The following TPM4 variants were observed in gnomAD, a reference collection of about 807,000 sequenced individuals.
TPM4 encodes tropomyosin alpha-4 chain.
A neutral mutation model predicts 35.8 loss-of-function variants in TPM4; 17 were observed. The observed-to-expected ratio is 0.47, with a 90% CI of 0.32 to 0.71. The LOEUF (loss-of-function observed/expected upper bound fraction) is 0.71, where lower values mean the gene tolerates loss of function less well. Ranked by LOEUF, TPM4 falls within the 30% of genes least tolerant of loss-of-function variation. The probability of loss-of-function intolerance (pLI) is 0.03; values close to 1 mark genes in which losing one functional copy is unlikely to be tolerated. For synonymous variants in TPM4, 120 were observed against 122.9 expected, an observed-to-expected ratio of 0.98 and a Z score of 0.15; for missense variants, 240 against 320.9, an observed-to-expected ratio of 0.75 and a Z score of 1.93.
chr19:16,078,066 C>G (rs907934604), intron 1 of TPM4: 8 of 398,300 alleles, frequency 2.0e-5, no homozygotes, highest in African/African-American at 1.6e-4. Flanking sequence ...AGCCACGGCG[C>G]CCAGCCTCAA....
At chr19:16,098,817 A>T (rs1177499109) in intron 7 of TPM4, among the ~76,000 whole-genome samples, 1 of 151,926 alleles carries the variant, frequency 6.6e-6, no homozygotes, top group African/African-American at 2.4e-5. Flanking sequence ...AAAATTTTTT[A>T]ATAAAATAAT....
upstream of TPM4, among the ~76,000 whole-genome samples, chr19:16,073,081 T>C (rs754316606): frequency 6.6e-6 from 1 of 151,232 alleles, no homozygotes; most frequent in Non-Finnish European, 1.5e-5. Flanking sequence ...GGGTGGCTCA[T>C]GCCTGTTGTC....
At chr19:16,073,794 C>T (rs1322458737), upstream of TPM4, among the ~76,000 whole-genome samples, 2 of 151,742 alleles carry the variant, frequency 1.3e-5, no homozygotes, top group Admixed American at 6.6e-5. Context: ...CCCAGCAGGC[C>T]GCAAGATGGG....
intron 7 of TPM4, 164 bp from the exon 8 acceptor site, chr19:16,101,100 G>A: frequency 2.1e-6 from 1 of 479,808 alleles, no homozygotes; most frequent in Non-Finnish European, 3.8e-6. Flanking sequence ...GAGCCTGGCA[G>A]GTGAAGGTTG....
chr19:16,071,865 C>T (rs1039051715), upstream of TPM4, among the ~76,000 whole-genome samples: 4 of 152,204 alleles, frequency 2.6e-5, no homozygotes, highest in African/African-American at 9.7e-5. Flanking sequence ...GCCTTTGACC[C>T]CACATCCTGC....
In TPM4 at chr19:16,076,544, T is replaced by A; in HGVS notation, c.-22T>A. 1 of 1,437,538 alleles carries A rather than the reference T, an allele frequency of 7.0e-7. No homozygotes were observed. The highest frequency in any genetic ancestry group is 9.1e-7 in the Non-Finnish European group (1 of 1,098,930). The allele number at this position is 1,437,538 out of a possible 1,614,324, so 89.0% of individuals were successfully genotyped here. A position where few individuals can be genotyped will look rare whatever the true frequency, so the allele number is the denominator to read the frequency against. The stretch of plus-strand genomic sequence containing the variant: ...CCAGCCGAGCGTCCGCCGCTGCCCG[T>A]GCGCCTCTGCGCCTCCGCGCCATGG... On this transcript the variant is annotated 5_prime_UTR_variant, in exon 1 of 8. Coordinates refer to ENST00000643579, the MANE Select transcript of TPM4 (RefSeq NM_003290.3).
chr19:16,076,548 C>T lies in TPM4; in HGVS notation c.-18C>T, dbSNP rs1304764349. 2.9e-5 allele frequency: 42 copies of T among 1,450,376 alleles called. No homozygotes were observed. Among genetic ancestry groups the T allele is most frequent in the Non-Finnish European group, 3.6e-5 (40 of 1,106,108 alleles). 89.8% of individuals were successfully genotyped at this position (1,450,376 alleles called of 1,614,324 possible). ...CCGAGCGTCCGCCGCTGCCCGTGCG[C>T]CTCTGCGCCTCCGCGCCATGGCCGG... On this transcript the variant is annotated 5_prime_UTR_variant, in exon 1 of 8. Transcript: ENST00000643579.
At chr19:16,086,632 C>T (rs960020586) in intron 3 of TPM4, 92 bp downstream of exon 3, 2 of 1,083,114 alleles carry the variant, frequency 1.8e-6, no homozygotes, top group African/African-American at 3.2e-5. Context: ...CGAAAGGAAG[C>T]TCTCGGTTAG....
chr19:16,098,396 A>G (rs1447055527), intron 7 of TPM4, among the ~76,000 whole-genome samples: 1 of 152,090 alleles, frequency 6.6e-6, no homozygotes, highest in East Asian at 1.9e-4. Flanking sequence ...GCTGTGAGCC[A>G]AGGTCGAACC....
rs973800867 is a variant in TPM4, at chr19:16,102,024, T to C, written c.*678T>C. ...TAGATGGTAATTAATTGATCCTTGA[T>C]GTGATGTTCTTTTGCATATTTCCTT... On this transcript the variant is annotated 3_prime_UTR_variant, in exon 8 of 8. Transcript: ENST00000643579. The C allele has an allele frequency of 4.7e-6, 1 of 212,348 alleles. No individual in the cohort carries two copies. The highest frequency in any genetic ancestry group is 2.3e-5 in the African/African-American group (1 of 44,130). The allele number at this position is 212,348 out of a possible 1,614,324, so 13.2% of individuals were successfully genotyped here.
upstream of TPM4, among the ~76,000 whole-genome samples, chr19:16,073,162 A>G (rs1373830257): frequency 6.6e-6 from 1 of 152,112 alleles, no homozygotes; most frequent in Non-Finnish European, 1.5e-5. Flanking sequence ...TGGATAACAC[A>G]GCGAGATCCT....
chr19:16,074,169 A>G (rs192050135), upstream of TPM4: 107 of 152,296 alleles, frequency 7.0e-4, no homozygotes, highest in African/African-American at 2.4e-3. Flanking sequence ...ACCCTCTTCA[A>G]GAAAAAAAAG....
chr19:16,092,795 C>G (rs2090644603), intron 5 of TPM4, among the ~76,000 whole-genome samples: 1 of 152,226 alleles, frequency 6.6e-6, no homozygotes, highest in African/African-American at 2.4e-5. Flanking sequence ...CTTGGCCTCC[C>G]AGAGTACTGG....
intron 2 of TPM4, among the ~76,000 whole-genome samples, chr19:16,084,012 C>T (rs1438201810): frequency 1.3e-5 from 2 of 152,126 alleles, no homozygotes; most frequent in Non-Finnish European, 1.5e-5. Flanking sequence ...CTACAAGCTT[C>T]ACCTCCTGGG....
At chr19:16,086,310 A>C in intron 2 of TPM4, 113 bp from the exon 3 acceptor site, 1 of 928,564 alleles carries the variant, frequency 1.1e-6, no homozygotes, top group Non-Finnish European at 1.7e-6. Flanking sequence ...AGATCGTGCC[A>C]CTGCACTCCA....
Position 16,067,617 on chromosome 19 carries a change from G to A in TPM4, c.-8G>A, listed in dbSNP as rs371876173. On this transcript the variant is annotated 5_prime_UTR_variant, in exon 2 of 3. Coordinates refer to the TPM4 transcript ENST00000589897. The surrounding 1 kb of genome is among the most constrained non-coding windows in gnomAD (Gnocchi z 4.1). ...CGCACCCCACGTCCCCCACGCCAGC[G>A]CCCAGCCATGGAGGCCATCAAGAAG... is the stretch of plus-strand genomic sequence containing the variant. 2.5e-5 allele frequency: 41 copies of A among 1,612,082 alleles called. No homozygotes were observed. The highest frequency in any genetic ancestry group is 3.5e-5 in the Non-Finnish European group (41 of 1,179,446).
intron 1 of TPM4, chr19:16,081,375 C>T (rs2090480296): frequency 3.4e-6 from 1 of 295,766 alleles, no homozygotes; most frequent in African/African-American, 2.2e-5. Flanking sequence ...ACTCAACTAC[C>T]CATCTTGTAC....
At chr19:16,088,344 A>G (rs758146082) in intron 4 of TPM4, 59 of 1,328,166 alleles carry the variant, frequency 4.4e-5, no homozygotes, top group Non-Finnish European at 5.4e-5. Context: ...GGAGTGAGAC[A>G]GGAGGCAGCA....
At position 16,094,666 on chromosome 19, in the gene TPM4, A is replaced by T. The variant is rs75766013; in HGVS notation, c.664+913A>T. Reference sequence around the variant, plus strand: ...GAGCTCAAAGCTTATCATAGTATTTAAAAAAAAAAACAGAAATACAGAAAG... The same window carrying T: ...GAGCTCAAAGCTTATCATAGTATTTTAAAAAAAAAACAGAAATACAGAAAG... On this transcript the variant is annotated intron_variant, in intron 7 of 7. Coordinates refer to ENST00000643579, the MANE Select transcript of TPM4 (RefSeq NM_003290.3). Among the ~76,000 whole-genome samples the T allele has an allele frequency of 8.8e-4, 127 of 145,092 alleles. 1 individual carries two copies. The Middle Eastern group carries it at 0.018, about 21-fold the overall frequency.
Sources: gnomAD v4.1 joint callset for allele counts (sites outside exome capture counted in the v4.1 genomes callset) on GRCh38, gnomAD v4.1.1 for gene constraint, Gnocchi (gnomAD v3.1) non-coding constraint, MANE v1.5 for transcripts, NCBI Gene and HGNC (gene_info 2026-07-23, HGNC 2026-07-21) for gene names.